Variants in SPTB observed in about 807,000 individuals in gnomAD.
SPTB encodes spectrin beta, erythrocytic, also known as spectrin beta chain, erythrocytic.
In SPTB, 45 loss-of-function variants were observed where a neutral mutation model predicts 256.2. That is an observed-to-expected ratio of 0.18 (90% CI 0.14 to 0.23). The LOEUF is 0.23. Ranked by LOEUF, SPTB falls within the 10% of genes least tolerant of loss-of-function variation. SPTB has a pLI of 1.00. For synonymous variants in SPTB, 1,231 were observed against 1,243.1 expected (o/e 0.99, Z 0.21); for missense variants, 2,715 against 3,040.4 (o/e 0.89, Z 2.52).
chr14:64,801,416 G>C lies in SPTB; in HGVS notation c.648-16C>G, dbSNP rs2139628863. ...CAGGTCGGGCCTGGGGACAAAACTG[G>C]ACTGTGAAAAGGGAGTAGCCACAGC... is the stretch of plus-strand genomic sequence containing the variant. On this transcript the variant is annotated splice_polypyrimidine_tract_variant and intron_variant, in intron 6 of 35. Transcript: ENST00000644917. The C allele has an allele frequency of 6.3e-7, 1 of 1,598,696 alleles. No homozygotes were observed.
At chr14:64,869,719 C>T (rs1279437488) in intron 1 of SPTB, among the ~76,000 whole-genome samples, 1 of 149,814 alleles carries the variant, frequency 6.7e-6, no homozygotes, top group Non-Finnish European at 1.5e-5. Flanking sequence ...CTTTCCTGGG[C>T]TCACGTGATT....
chr14:64,810,238 T>C (rs2083062924), intron 2 of SPTB, among the ~76,000 whole-genome samples: 1 of 152,064 alleles, frequency 6.6e-6, no homozygotes, highest in Non-Finnish European at 1.5e-5. Flanking sequence ...GCATTTCTAA[T>C]AGGAAGGGGA....
chr14:64,767,813 C>A lies in SPTB; in HGVS notation c.6069G>T (p.Ala2023=), dbSNP rs138683494. Reference sequence around the variant, plus strand: ...GGTAGGGCTCCTGGGCAATCAGCCACGCCTCAGCCACAGAGGCATCCCTCG... The same window carrying A: ...GGTAGGGCTCCTGGGCAATCAGCCAAGCCTCAGCCACAGAGGCATCCCTCG... The part of the protein sequence containing the change: ...QFSRDASVAE[A]WLIAQEPYLA... The change falls in exon 30 of 36, where the codon GCG becomes GCT. Residue 2023 remains alanine, a synonymous_variant. Transcript: ENST00000644917. 2.5e-6 allele frequency: 4 copies of A among 1,614,148 alleles called. No individual in the cohort carries two copies. The South Asian group carries it at 4.4e-5, about 18-fold the overall frequency.
At position 64,778,251 on chromosome 14, in the gene SPTB, C is replaced by T. The variant is rs1376040368; in HGVS notation, c.4563+906G>A. Among the ~76,000 whole-genome samples the T allele has an allele frequency of 6.6e-6, 1 of 152,178 alleles. No individual in the cohort carries two copies. Among genetic ancestry groups the T allele is most frequent in the Admixed American group, 6.5e-5 (1 of 15,276 alleles). On this transcript the variant is annotated intron_variant, in intron 22 of 35. Transcript: ENST00000644917. The surrounding 1 kb of genome is among the most constrained non-coding windows in gnomAD (Gnocchi z 5.2). ...TGCACTGCTGCTGGGCTCACATGGTCCTGTGAGCAGATGTCAGCTGCTGCC... is the reference window on the plus strand; with the variant it reads ...TGCACTGCTGCTGGGCTCACATGGTTCTGTGAGCAGATGTCAGCTGCTGCC...
chr14:64,875,974 A>G (rs941797300), intron 1 of SPTB, among the ~76,000 whole-genome samples: 1 of 152,164 alleles, frequency 6.6e-6, no homozygotes, highest in Non-Finnish European at 1.5e-5. Context: ...TTTTTAATTA[A>G]TTCATGAATT....
At chr14:64,854,055 G>C (rs1436381245) in intron 1 of SPTB, among the ~76,000 whole-genome samples, 1 of 151,744 alleles carries the variant, frequency 6.6e-6, no homozygotes, top group African/African-American at 2.4e-5. Flanking sequence ...AGCTGGGCAT[G>C]GTGGCAGGTG....
rs750466588 is a variant in SPTB at position 64,793,446 on chromosome 14, G to C, written c.2217C>G (p.Leu739=). 1 of 1,614,036 alleles carries C rather than the reference G, an allele frequency of 6.2e-7. No individual in the cohort carries two copies. The highest frequency in any genetic ancestry group is 2.2e-5 in the East Asian group (1 of 44,882). ...ACTGGAAAAAGTTCTCAGCATCCTG[G>C]AGGTTCTTCTTGCAGAAGGCAGCCA... The part of the protein sequence containing the change: ...KDLAAFCKKN[L]QDAENFFQFQ... Residue 739 remains leucine (L), a synonymous_variant, in exon 14 of 36, where the codon CTC becomes CTG. Transcript: ENST00000644917. The surrounding 1 kb of genome is among the most constrained non-coding windows in gnomAD (Gnocchi z 7.0).
At chr14:64,851,244 T>C (rs2083780337) in intron 1 of SPTB, among the ~76,000 whole-genome samples, 1 of 152,246 alleles carries the variant, frequency 6.6e-6, no homozygotes, top group South Asian at 2.1e-4. Flanking sequence ...AGATTTCCTG[T>C]GTCATGGGTT....
intron 1 of SPTB, among the ~76,000 whole-genome samples, chr14:64,854,520 C>T (rs538428797): frequency 7.9e-5 from 12 of 151,864 alleles, no homozygotes; most frequent in South Asian, 4.2e-4. Context: ...CCTCATGATC[C>T]GCCCGCCTCC....
At chr14:64,843,883 C>G (rs879559061) in intron 1 of SPTB, among the ~76,000 whole-genome samples, 20 of 152,212 alleles carry the variant, frequency 1.3e-4, no homozygotes, top group Non-Finnish European at 2.4e-4. Context: ...ACTGGACTCT[C>G]TAAGCACCAT....
chr14:64,812,008 T>TAA (rs543708807), intron 2 of SPTB, among the ~76,000 whole-genome samples: 4 of 151,884 alleles, frequency 2.6e-5, no homozygotes, highest in Admixed American at 1.3e-4. Flanking sequence ...CATACACTGG[T>TAA]AAAAAAAAAT....
At position 64,759,003 on chromosome 14, in the gene SPTB, G is replaced by A. The variant is rs756308980; in HGVS notation, c.6346-5210C>T. 6.6e-6 allele frequency among the ~76,000 whole-genome samples: 1 copy of A among 152,192 alleles called. No individual in the cohort carries two copies. The highest frequency in any genetic ancestry group is 1.5e-5 in the Non-Finnish European group (1 of 68,026). On this transcript the variant is annotated intron_variant, in intron 32 of 35. Transcript: ENST00000644917. The surrounding 1 kb of genome is among the most constrained non-coding windows in gnomAD (Gnocchi z 4.8). ...GAGATGGGGTAGATGAAGCTGATGT[G>A]AGAAAAGAGATTCTCAGAATTCTAG...
rs990701654 is a variant in SPTB, at chr14:64,844,319, C to T, written c.-51-21174G>A. On this transcript the variant is annotated intron_variant, in intron 1 of 35. Transcript: ENST00000644917. This position sits in a 1 kb window ranked among gnomAD's most constrained non-coding sequence, Gnocchi z 4.1. ...TGTGTGAAGGGACCAGGTCCCAACA[C>T]ACAATAGGAATTTATATCCCCAACA... Among the ~76,000 whole-genome samples the T allele has an allele frequency of 6.6e-6, 1 of 152,350 alleles. No individual in the cohort carries two copies. Among genetic ancestry groups the T allele is most frequent in the Non-Finnish European group, 1.5e-5 (1 of 68,036 alleles).
At chr14:64,831,719 C>T (rs1412926101) in intron 1 of SPTB, among the ~76,000 whole-genome samples, 6 of 152,092 alleles carry the variant, frequency 3.9e-5, no homozygotes, top group East Asian at 1.9e-4. Flanking sequence ...ATTGTGGTGG[C>T]GGGGAGGTGG....
chr14:64,780,940 T>A (rs1231349098), intron 20 of SPTB, among the ~76,000 whole-genome samples: 1 of 152,156 alleles, frequency 6.6e-6, no homozygotes, highest in African/African-American at 2.4e-5. Flanking sequence ...CACCATCTGA[T>A]CTTTGACAAA....
intron 1 of SPTB, among the ~76,000 whole-genome samples, chr14:64,868,584 T>TAA (rs1262897423): frequency 6.6e-6 from 1 of 151,750 alleles, no homozygotes; most frequent in Non-Finnish European, 1.5e-5. Flanking sequence ...TCCCAACAAG[T>TAA]AAAAGCTGGC....
At chr14:64,864,428 A>C (rs1882035760) in intron 1 of SPTB, among the ~76,000 whole-genome samples, 1 of 152,196 alleles carries the variant, frequency 6.6e-6, no homozygotes, top group Non-Finnish European at 1.5e-5. Flanking sequence ...CAGCCTGGGC[A>C]ACAGAGCAAG....
At position 64,779,597 on chromosome 14, in the gene SPTB, C is replaced by A; in HGVS notation, c.4473+128G>T. 1 of 942,654 alleles carries A rather than the reference C, an allele frequency of 1.1e-6. No individual in the cohort carries two copies. The highest frequency in any genetic ancestry group is 2.4e-5 in the East Asian group (1 of 41,772). The allele number at this position is 942,654 out of a possible 1,614,324, so 58.4% of individuals were successfully genotyped here. On this transcript the variant is annotated intron_variant, in intron 21 of 35. Coordinates refer to ENST00000644917, the MANE Select transcript of SPTB (RefSeq NM_001355436.2). This position sits in a 1 kb window ranked among gnomAD's most constrained non-coding sequence, Gnocchi z 4.2. ...CCATTTAATGTAATCCTCACAAGAA[C>A]CCTATGAGATAAGGGGTGAGGTGAC...
chr14:64,819,887 G>A (rs775808189), intron 2 of SPTB, among the ~76,000 whole-genome samples: 33 of 152,220 alleles, frequency 2.2e-4, no homozygotes, highest in Non-Finnish European at 2.2e-4. Flanking sequence ...AAAAACTTCC[G>A]TAAACTTTAT....
Sources: allele counts gnomAD v4.1 joint callset (sites outside exome capture counted in the v4.1 genomes callset), GRCh38; gene constraint gnomAD v4.1.1; non-coding constraint Gnocchi (gnomAD v3.1); transcripts MANE v1.5; gene names NCBI Gene and HGNC (gene_info 2026-07-23, HGNC 2026-07-21).